PDSS2: variants seen among roughly 807,000 people sequenced by gnomAD.
PDSS2 encodes the protein decaprenyl diphosphate synthase subunit 2, also known as all trans-polyprenyl-diphosphate synthase PDSS2.
Under a neutral mutation model 44.5 loss-of-function variants are expected in PDSS2, and 31 were observed. The ratio of observed to expected loss-of-function variants is 0.70; its 90% CI spans 0.52 to 0.94. The LOEUF (loss-of-function observed/expected upper bound fraction) is 0.94. Ranked by LOEUF, PDSS2 falls within the 40% of genes least tolerant of loss-of-function variation. The pLI is 0.00. For missense variants in PDSS2, 452 were observed against 482.2 expected, an observed-to-expected ratio of 0.94 and a Z score of 0.59; for synonymous variants, 157 against 180.3, an observed-to-expected ratio of 0.87 and a Z score of 1.03.
intron 2 of PDSS2, among the ~76,000 whole-genome samples, chr6:107,285,540 G>C (rs2114995306): frequency 6.6e-6 from 1 of 152,180 alleles, no homozygotes; most frequent in East Asian, 1.9e-4. Context: ...TAGACTAATA[G>C]ATTAGTGAAA....
intron 6 of PDSS2, among the ~76,000 whole-genome samples, chr6:107,198,740 G>A (rs1257009298): frequency 1.3e-5 from 2 of 152,126 alleles, no homozygotes; most frequent in Non-Finnish European, 2.9e-5. Flanking sequence ...CAGATCACAT[G>A]AGCACAAGAG....
intron 1 of PDSS2, among the ~76,000 whole-genome samples, chr6:107,351,612 C>A (rs956921737): frequency 6.6e-6 from 1 of 152,122 alleles, no homozygotes; most frequent in East Asian, 1.9e-4. Flanking sequence ...TAAGCACAAT[C>A]GCCACTATAT....
chr6:107,324,847 T>G (rs1294203430), intron 2 of PDSS2, among the ~76,000 whole-genome samples: 1 of 152,150 alleles, frequency 6.6e-6, no homozygotes. Context: ...GGAAATACAG[T>G]TTGTTAATTT....
Position 107,385,875 on chromosome 6 carries a change from G to C in PDSS2, c.297-51543C>G, listed in dbSNP as rs185065950. 1.8e-4 allele frequency among the ~76,000 whole-genome samples: 27 copies of C among 152,134 alleles called. No homozygotes were observed. The East Asian group carries it at 4.1e-3, about 23-fold the overall frequency. ...AATACATGGCCTAAATATGTGTCAG[G>C]CTTGCTTACTGGAAGAAGGGATATA... On this transcript the variant is annotated intron_variant, in intron 1 of 7. Transcript: ENST00000369037.
intron 2 of PDSS2, among the ~76,000 whole-genome samples, chr6:107,276,454 G>C (rs1291781864): frequency 1.3e-5 from 2 of 152,136 alleles, no homozygotes; most frequent in Admixed American, 6.6e-5. Context: ...TTAGTTCCTA[G>C]GTCCCTGACT....
intron 2 of PDSS2, among the ~76,000 whole-genome samples, chr6:107,276,488 C>A (rs544753503): frequency 6.6e-6 from 1 of 152,152 alleles, no homozygotes; most frequent in Non-Finnish European, 1.5e-5. Flanking sequence ...ACCCATGGAG[C>A]CACATCCATA....
chr6:107,207,698 C>T lies in PDSS2; in HGVS notation c.1008+2741G>A, dbSNP rs1462487549. ...GCAATCAGCTCACTGCAACCTCTGC[C>T]TCCAGTGTTCAAGTGATTCTAGGGC... On this transcript the variant is annotated intron_variant, in intron 6 of 7. Transcript: ENST00000369037. Among the ~76,000 whole-genome samples, 3 of 149,688 alleles carry T rather than the reference C, an allele frequency of 2.0e-5. No individual in the cohort carries two copies. The South Asian group carries it at 6.4e-4, about 32-fold the overall frequency.
intron 1 of PDSS2, among the ~76,000 whole-genome samples, chr6:107,353,120 C>T (rs905462502): frequency 6.6e-6 from 1 of 151,980 alleles, no homozygotes. Flanking sequence ...AATCCTATGT[C>T]ATCTGCCCCA....
intron 7 of PDSS2, among the ~76,000 whole-genome samples, chr6:107,183,207 TAAA>T (rs5878908): frequency 4.4e-5 from 6 of 136,284 alleles, no homozygotes; most frequent in Non-Finnish European, 3.1e-5. Context: ...CAAGACTGTC[TAAA>T]AAAAAAAAAA....
chr6:107,417,440 T>G (rs556261745), intron 1 of PDSS2, among the ~76,000 whole-genome samples: 4 of 152,202 alleles, frequency 2.6e-5, no homozygotes, highest in African/African-American at 7.2e-5. Context: ...GCTTAGTACA[T>G]CCACATCATG....
intron 7 of PDSS2, among the ~76,000 whole-genome samples, chr6:107,163,377 G>C (rs954873572): frequency 6.6e-6 from 1 of 152,150 alleles, no homozygotes; most frequent in African/African-American, 2.4e-5. Flanking sequence ...GGAGGAACCT[G>C]ATAGCTTTCA....
intron 1 of PDSS2, among the ~76,000 whole-genome samples, chr6:107,400,570 C>T (rs1458129144): frequency 6.6e-6 from 1 of 152,148 alleles, no homozygotes; most frequent in Non-Finnish European, 1.5e-5. Context: ...TCTCAGCTTG[C>T]TGCAAGAGGT....
intron 2 of PDSS2, among the ~76,000 whole-genome samples, chr6:107,298,515 G>T (rs1435344866): frequency 3.9e-5 from 6 of 152,138 alleles, no homozygotes; most frequent in Admixed American, 1.3e-4. Flanking sequence ...AGCATCCAAG[G>T]ATTTTGGTAT....
chr6:107,452,954 C>T (rs900422605), intron 1 of PDSS2, among the ~76,000 whole-genome samples: 1 of 151,980 alleles, frequency 6.6e-6, no homozygotes, highest in Non-Finnish European at 1.5e-5. Context: ...CGTGAGCCAC[C>T]ACGCCTGGCC....
At chr6:107,457,118 T>C (rs1562554744) in intron 1 of PDSS2, among the ~76,000 whole-genome samples, 1 of 152,190 alleles carries the variant, frequency 6.6e-6, no homozygotes, top group Non-Finnish European at 1.5e-5. Flanking sequence ...ATCACTTTAT[T>C]ATTACTATTT....
intron 3 of PDSS2, among the ~76,000 whole-genome samples, chr6:107,261,712 G>T (rs1775234953): frequency 6.6e-6 from 1 of 151,082 alleles, no homozygotes. Flanking sequence ...CGAGTAGCTG[G>T]GATTATAGGT....
rs560734525 is a variant in PDSS2, at chr6:107,192,788, A to C, written c.1041+1034T>G. 6.5e-5 allele frequency among the ~76,000 whole-genome samples: 8 copies of C among 122,390 alleles called. 1 individual carries two copies. In the South Asian group the frequency reaches 1.8e-3, roughly 28 times the overall value. 80.3% of individuals were successfully genotyped at this position (122,390 alleles called of 152,430 possible). ...AAAGTAAATCTATTTTGTAATTGTT[A>C]AAAAAAAAAAAGAGAGACTTTATTT... On this transcript the variant is annotated intron_variant, in intron 7 of 7. Transcript: ENST00000369037.
chr6:107,430,222 G>A (rs1452526293), intron 1 of PDSS2, among the ~76,000 whole-genome samples: 5 of 151,848 alleles, frequency 3.3e-5, no homozygotes, highest in East Asian at 3.9e-4. Flanking sequence ...AACCTAGGCC[G>A]GGCACAGTGG....
intron 2 of PDSS2, among the ~76,000 whole-genome samples, chr6:107,300,796 C>G (rs571437138): frequency 1.3e-5 from 2 of 152,270 alleles, no homozygotes; most frequent in Non-Finnish European, 2.9e-5. Flanking sequence ...CACACACACA[C>G]GTGCATAAAC....
Sources: allele counts gnomAD v4.1 joint callset (sites outside exome capture counted in the v4.1 genomes callset), GRCh38; gene constraint gnomAD v4.1.1; transcripts MANE v1.5; gene names NCBI Gene and HGNC (gene_info 2026-07-23, HGNC 2026-07-21).